ZNF883: variants seen among roughly 807,000 people sequenced by gnomAD.
The protein encoded by ZNF883 is zinc finger protein 883.
chr9:112,989,781 C>T (rs1056613884), intron 1 of ZNF883, among the ~76,000 whole-genome samples: 1 of 152,112 alleles, frequency 6.6e-6, no homozygotes, highest in Non-Finnish European at 1.5e-5. Context: ...TTGTTTGTGT[C>T]CTCTCTTATT....
rs371088790 is a variant in ZNF883, at chr9:112,997,410, G to T, written n.850C>A. 8 of 1,613,860 alleles carry T rather than the reference G, an allele frequency of 5.0e-6. No homozygotes were observed. In the South Asian group the frequency reaches 8.8e-5, roughly 18 times the overall value. ...GGTTTCACACAAGAATGAATTTTTA[G>T]ATGTTCAGTAAGGTGTGTACTTCGA... On this transcript the variant is annotated non_coding_transcript_exon_variant, in exon 1 of 1. Transcript: ENST00000639662.
At chr9:113,012,179 C>T (rs1002205191) in exon 1 of ZNF883, 1 of 152,152 alleles carries the variant, frequency 6.6e-6, no homozygotes, top group Non-Finnish European at 1.5e-5. Flanking sequence ...AGAGCACGGT[C>T]GGGCGATGTG....
intron 1 of ZNF883, among the ~76,000 whole-genome samples, chr9:113,011,678 AAG>A (rs1390109073): frequency 6.6e-6 from 1 of 152,200 alleles, no homozygotes; most frequent in African/African-American, 2.4e-5. Context: ...TTTCTGAGGA[AAG>A]AGCAAGAACT....
chr9:112,995,703 T>C (rs905409837), downstream of ZNF883, among the ~76,000 whole-genome samples: 6 of 113,936 alleles, frequency 5.3e-5, no homozygotes, highest in African/African-American at 2.6e-4. Context: ...ACAGCATCTA[T>C]TAAGATAGGT....
intron 2 of ZNF883, among the ~76,000 whole-genome samples, chr9:113,010,458 A>C (rs10817426): frequency 0.59 from 89,595 of 152,020 alleles, 27,080 homozygotes; most frequent in East Asian, 0.84. Flanking sequence ...ACACATGTAT[A>C]TTATTGCATG....
At chr9:112,997,995 T>C in exon 1 of ZNF883, 1 of 1,613,876 alleles carries the variant, frequency 6.2e-7, no homozygotes, top group Non-Finnish European at 8.5e-7. Flanking sequence ...GTATGGACTC[T>C]TTGATGCTGA....
downstream of ZNF883, among the ~76,000 whole-genome samples, chr9:112,996,777 C>G (rs1964880): frequency 9.7e-6 from 1 of 103,392 alleles, no homozygotes. Flanking sequence ...GGCGACAGAG[C>G]GAGACTCCGT....
rs189064270 is a variant in ZNF883 at position 112,991,186 on chromosome 9, G to A, written n.309+7517C>T. ...CATTTTTTTAGTTGTGATGCTGGGT[G>A]TCTATTTGAGATCTTTCTAGCCTTC... is the stretch of plus-strand genomic sequence containing the variant. On this transcript the variant is annotated intron_variant and non_coding_transcript_variant, in intron 1 of 9. Coordinates refer to the ZNF883 transcript ENST00000638823. Among the ~76,000 whole-genome samples the A allele has an allele frequency of 3.5e-3, 534 of 152,096 alleles. 2 individuals carry two copies. Among genetic ancestry groups the A allele is most frequent in the African/African-American group, 0.013 (519 of 41,494 alleles).
intron 1 of ZNF883, among the ~76,000 whole-genome samples, chr9:112,990,165 G>A (rs1828288362): frequency 6.6e-6 from 1 of 152,118 alleles, no homozygotes; most frequent in African/African-American, 2.4e-5. Flanking sequence ...GAATAGAAGT[G>A]GTGATAGAGG....
chr9:112,995,395 G>A (rs1828340871), downstream of ZNF883, among the ~76,000 whole-genome samples: 2 of 151,914 alleles, frequency 1.3e-5, no homozygotes, highest in South Asian at 4.2e-4. Context: ...TGCAGATCTT[G>A]GGCTTCTTAT....
At chr9:112,992,608 A>G (rs1344459743), downstream of ZNF883, among the ~76,000 whole-genome samples, 2 of 152,186 alleles carry the variant, frequency 1.3e-5, no homozygotes, top group East Asian at 1.9e-4. Flanking sequence ...GGACTTCCTG[A>G]ATAAGAACGT....
At chr9:112,992,871 C>T (rs1408680231), downstream of ZNF883, among the ~76,000 whole-genome samples, 1 of 152,154 alleles carries the variant, frequency 6.6e-6, no homozygotes, top group East Asian at 1.9e-4. Flanking sequence ...GTTATTGATA[C>T]TTGTGGCTTC....
At chr9:112,992,125 T>C (rs1828309236), downstream of ZNF883, among the ~76,000 whole-genome samples, 2 of 152,246 alleles carry the variant, frequency 1.3e-5, no homozygotes, top group South Asian at 4.1e-4. Flanking sequence ...CCCGTCATCA[T>C]TGTGCTAGCT....
At chr9:113,008,307 G>C (rs1033054306) in intron 2 of ZNF883, among the ~76,000 whole-genome samples, 1 of 152,140 alleles carries the variant, frequency 6.6e-6, no homozygotes, top group African/African-American at 2.4e-5. Flanking sequence ...ACAGATACCA[G>C]GGCTTTGAGA....
intron 2 of ZNF883, among the ~76,000 whole-genome samples, chr9:113,010,154 G>A (rs1290154589): frequency 6.6e-6 from 1 of 152,110 alleles, no homozygotes; most frequent in Admixed American, 6.5e-5. Context: ...CAAAAAGTAG[G>A]TGCTCAATGA....
chr9:112,993,757 G>A (rs1358027562), downstream of ZNF883, among the ~76,000 whole-genome samples: 1 of 152,234 alleles, frequency 6.6e-6, no homozygotes. Flanking sequence ...AGGAATTGCT[G>A]AAGTTCCTGC....
At chr9:112,991,353 T>C (rs1281941904) in intron 1 of ZNF883, among the ~76,000 whole-genome samples, 1 of 152,196 alleles carries the variant, frequency 6.6e-6, no homozygotes, top group Non-Finnish European at 1.5e-5. Context: ...TCAGGAGTCA[T>C]TCAGGAGAAG....
exon 1 of ZNF883, chr9:112,997,388 T>C (rs1252292914): frequency 6.2e-7 from 1 of 1,613,892 alleles, no homozygotes; most frequent in East Asian, 2.2e-5. Context: ...TTGATAGGGT[T>C]TCACACAAGA....
intron 2 of ZNF883, among the ~76,000 whole-genome samples, chr9:113,009,172 T>A (rs892928858): frequency 1.1e-4 from 16 of 151,978 alleles, no homozygotes; most frequent in African/African-American, 3.6e-4. Flanking sequence ...CAAAACCCTA[T>A]GAAAATTGGT....
Sources: allele counts gnomAD v4.1 joint callset (sites outside exome capture counted in the v4.1 genomes callset), GRCh38; gene constraint gnomAD v4.1.1; transcripts MANE v1.5; gene names NCBI Gene and HGNC (gene_info 2026-07-23, HGNC 2026-07-21).